The following CSMD1 variants were observed in gnomAD, a reference collection of about 807,000 sequenced individuals.
The protein encoded by CSMD1 is CUB and sushi domain-containing protein 1.
A neutral mutation model predicts 417.5 loss-of-function variants in CSMD1; 213 were observed. The ratio of observed to expected loss-of-function variants is 0.51; its 90% CI spans 0.46 to 0.57. The LOEUF is 0.57. Ranked by LOEUF, CSMD1 falls within the 20% of genes least tolerant of loss-of-function variation. The pLI is 0.00. For missense variants in CSMD1, 6,923 were observed against 4,529.7 expected, an observed-to-expected ratio of 1.53 and a Z score of -15.17; for synonymous variants, 2,862 against 1,736.8, an observed-to-expected ratio of 1.65 and a Z score of -16.11.
intron 1 of CSMD1, among the ~76,000 whole-genome samples, chr8:4,729,055 T>A (rs1251003024): frequency 6.6e-6 from 1 of 152,266 alleles, no homozygotes; most frequent in East Asian, 1.9e-4. Flanking sequence ...ACTGATGACC[T>A]GAATATAGAC....
intron 2 of CSMD1, among the ~76,000 whole-genome samples, chr8:4,435,400 C>T (rs1380629295): frequency 6.6e-6 from 1 of 152,156 alleles, no homozygotes; most frequent in Non-Finnish European, 1.5e-5. Flanking sequence ...TGATATCACT[C>T]CAAAGAAGTC....
intron 6 of CSMD1, among the ~76,000 whole-genome samples, chr8:3,742,543 C>T (rs1033105196): frequency 2.6e-5 from 4 of 152,146 alleles, no homozygotes; most frequent in African/African-American, 9.7e-5. Context: ...ATAAACCTGC[C>T]TGTGGACATG....
intron 1 of CSMD1, among the ~76,000 whole-genome samples, chr8:4,979,663 T>C (rs1264849103): frequency 6.6e-6 from 1 of 152,260 alleles, no homozygotes; most frequent in Non-Finnish European, 1.5e-5. Context: ...TATGTTGGTG[T>C]GGTGAAAATG....
At chr8:4,887,351 G>T (rs116249233) in intron 1 of CSMD1, among the ~76,000 whole-genome samples, 6 of 151,948 alleles carry the variant, frequency 3.9e-5, no homozygotes, top group Non-Finnish European at 8.8e-5. Flanking sequence ...ATTTCAATCC[G>T]TTTAAATGTA....
intron 41 of CSMD1, among the ~76,000 whole-genome samples, chr8:3,142,130 T>A (rs140969556): frequency 2.9e-4 from 44 of 152,304 alleles, no homozygotes; most frequent in African/African-American, 1.0e-3. Flanking sequence ...AATCCCTGAA[T>A]GCTGGGGAGA....
At chr8:3,031,320 G>C (rs1252379030) in intron 50 of CSMD1, among the ~76,000 whole-genome samples, 1 of 124,962 alleles carries the variant, frequency 8.0e-6, no homozygotes, top group Admixed American at 8.9e-5. Context: ...GTTGTGGGGT[G>C]GGGGGAGGGT....
chr8:4,199,527 G>A (rs1344323992), intron 3 of CSMD1, among the ~76,000 whole-genome samples: 8 of 152,216 alleles, frequency 5.3e-5, no homozygotes, highest in Middle Eastern at 3.4e-3. Context: ...AAATATAAGC[G>A]ATCATCAGTA....
chr8:4,960,670 T>C (rs1262034988), intron 1 of CSMD1, among the ~76,000 whole-genome samples: 1 of 152,162 alleles, frequency 6.6e-6, no homozygotes, highest in African/African-American at 2.4e-5. Context: ...CATTCATACG[T>C]ACATACATAC....
chr8:4,066,352 G>C (rs1040423490), intron 3 of CSMD1, among the ~76,000 whole-genome samples: 1 of 152,166 alleles, frequency 6.6e-6, no homozygotes, highest in Non-Finnish European at 1.5e-5. Flanking sequence ...GTCATTGTAT[G>C]TGTGTATTTC....
At chr8:3,597,665 G>C (rs895572174) in intron 8 of CSMD1, among the ~76,000 whole-genome samples, 5 of 152,158 alleles carry the variant, frequency 3.3e-5, no homozygotes, top group African/African-American at 1.2e-4. Flanking sequence ...CATAAAAAAT[G>C]ATGAGTTCAT....
intron 1 of CSMD1, among the ~76,000 whole-genome samples, chr8:4,989,402 C>A (rs115505949): frequency 1.6e-3 from 238 of 152,330 alleles, no homozygotes; most frequent in African/African-American, 5.5e-3. Context: ...TAGGAGACAA[C>A]AGGCTGGTAA....
At chr8:4,585,470 TAAG>T (rs1162211085) in intron 2 of CSMD1, among the ~76,000 whole-genome samples, 4 of 151,980 alleles carry the variant, frequency 2.6e-5, no homozygotes, top group Admixed American at 1.3e-4. Flanking sequence ...CATTTCCTCA[TAAG>T]GAGAAAAAAG....
chr8:3,986,348 C>A (rs1325914090), intron 5 of CSMD1, among the ~76,000 whole-genome samples: 1 of 152,158 alleles, frequency 6.6e-6, no homozygotes, highest in East Asian at 1.9e-4. Context: ...AAATGTAGAT[C>A]CCTGAGCACT....
intron 6 of CSMD1, among the ~76,000 whole-genome samples, chr8:3,735,005 G>A (rs1796456850): frequency 6.6e-6 from 1 of 152,226 alleles, no homozygotes. Flanking sequence ...GCAAAGAGAG[G>A]AGTGAGGAGG....
At chr8:3,136,098 C>T (rs1818065602) in intron 41 of CSMD1, among the ~76,000 whole-genome samples, 1 of 152,072 alleles carries the variant, frequency 6.6e-6, no homozygotes, top group African/African-American at 2.4e-5. Context: ...ATCTTTGTCC[C>T]CCCCTCATGC....
chr8:3,425,870 T>A (rs757685251), intron 12 of CSMD1, among the ~76,000 whole-genome samples: 1 of 152,144 alleles, frequency 6.6e-6, no homozygotes, highest in Admixed American at 6.6e-5. Flanking sequence ...TGATCAAAGA[T>A]GACCACAAAA....
At chr8:4,162,018 C>T (rs1797202728) in intron 3 of CSMD1, among the ~76,000 whole-genome samples, 1 of 152,108 alleles carries the variant, frequency 6.6e-6, no homozygotes, top group African/African-American at 2.4e-5. Context: ...TCTGTATTTG[C>T]CTTCGACTTT....
At chr8:3,988,826 T>G (rs1814526171) in intron 5 of CSMD1, among the ~76,000 whole-genome samples, 1 of 152,174 alleles carries the variant, frequency 6.6e-6, no homozygotes, top group Admixed American at 6.5e-5. Context: ...GGGTCATCAT[T>G]TAGGTCCTAT....
intron 52 of CSMD1, among the ~76,000 whole-genome samples, chr8:3,000,550 G>T (rs1158144355): frequency 5.3e-5 from 8 of 152,152 alleles, no homozygotes; most frequent in African/African-American, 1.9e-4. Context: ...GGGGCTTCCA[G>T]TCAGATAGAC....
Sources: allele counts gnomAD v4.1 joint callset (sites outside exome capture counted in the v4.1 genomes callset), GRCh38; gene constraint gnomAD v4.1.1; transcripts MANE v1.5; gene names NCBI Gene and HGNC (gene_info 2026-07-23, HGNC 2026-07-21).